Variants in KCNJ3 observed in about 807,000 individuals in gnomAD.
The protein encoded by KCNJ3 is G protein-activated inward rectifier potassium channel 1.
Under a neutral mutation model 39.2 loss-of-function variants are expected in KCNJ3, and 4 were observed. That is an observed-to-expected ratio of 0.10 (90% CI 0.05 to 0.23). The LOEUF is 0.23. Among genes scored for constraint, KCNJ3 ranks in the 10% least tolerant of loss-of-function variants. The pLI is 1.00. For missense variants in KCNJ3, 276 were observed against 634.9 expected (o/e 0.43, Z 6.08); for synonymous variants, 230 against 237.4 (o/e 0.97, Z 0.29).
chr2:154,808,368 A>G (rs1686952044), intron 2 of KCNJ3, among the ~76,000 whole-genome samples: 1 of 151,750 alleles, frequency 6.6e-6, no homozygotes, highest in Admixed American at 6.6e-5. Flanking sequence ...GGGGTGAGCC[A>G]CCACACTCGG....
At chr2:154,704,565 G>C (rs1204145456) in intron 1 of KCNJ3, among the ~76,000 whole-genome samples, 1 of 152,126 alleles carries the variant, frequency 6.6e-6, no homozygotes, top group East Asian at 1.9e-4. Flanking sequence ...TTTTGGACTT[G>C]ACATTGGGTC....
intron 2 of KCNJ3, among the ~76,000 whole-genome samples, chr2:154,841,478 T>G (rs1317879119): frequency 2.0e-5 from 3 of 152,220 alleles, no homozygotes; most frequent in African/African-American, 7.2e-5. Flanking sequence ...CCTCTTTTTC[T>G]GTTGATTGGA....
At chr2:154,811,824 T>A (rs1172493684) in intron 2 of KCNJ3, among the ~76,000 whole-genome samples, 1 of 152,148 alleles carries the variant, frequency 6.6e-6, no homozygotes, top group East Asian at 1.9e-4. Flanking sequence ...AGATGGGTGG[T>A]ATTTTACTTA....
At chr2:154,724,917 G>GTATATATGTATATATATATATATATA (rs1685325513) in intron 2 of KCNJ3, among the ~76,000 whole-genome samples, 11 of 116,314 alleles carry the variant, frequency 9.5e-5, no homozygotes, top group African/African-American at 3.9e-4. Context: ...TACATATGAG[G>GTATATATGTATATATATATATATATA]TATATATATA....
chr2:154,777,520 C>T (rs554000989), intron 2 of KCNJ3, among the ~76,000 whole-genome samples: 94 of 152,244 alleles, frequency 6.2e-4, no homozygotes, highest in South Asian at 3.5e-3. Context: ...GTTTCCGCTT[C>T]GCTTTTTCTC....
chr2:154,760,735 C>CTT (rs887796000), intron 2 of KCNJ3, among the ~76,000 whole-genome samples: 2,574 of 127,704 alleles, frequency 0.02, 163 homozygotes, highest in African/African-American at 0.071. Flanking sequence ...TCTTTTTTTT[C>CTT]TTTTTTTTTT....
At chr2:154,748,223 T>A (rs886409578) in intron 2 of KCNJ3, among the ~76,000 whole-genome samples, 1 of 152,042 alleles carries the variant, frequency 6.6e-6, no homozygotes, top group Non-Finnish European at 1.5e-5. Flanking sequence ...ATAAACTGAC[T>A]AAATAACACT....
intron 2 of KCNJ3, among the ~76,000 whole-genome samples, chr2:154,737,240 G>A (rs1685564232): frequency 6.6e-6 from 1 of 152,158 alleles, no homozygotes; most frequent in African/African-American, 2.4e-5. Context: ...CAGGTTTTGT[G>A]TCAGTATTGG....
At chr2:154,731,871 C>A (rs1685454832) in intron 2 of KCNJ3, among the ~76,000 whole-genome samples, 1 of 151,630 alleles carries the variant, frequency 6.6e-6, no homozygotes, top group Non-Finnish European at 1.5e-5. Flanking sequence ...TTCAGTGGGT[C>A]TTTGTAGGGT....
chr2:154,757,891 C>T (rs532391036), intron 2 of KCNJ3, among the ~76,000 whole-genome samples: 1 of 152,250 alleles, frequency 6.6e-6, no homozygotes, highest in African/African-American at 2.4e-5. Context: ...GCCCTCATGG[C>T]TTAATCACTT....
chr2:154,747,333 T>C (rs1404096506), intron 2 of KCNJ3, among the ~76,000 whole-genome samples: 2 of 152,086 alleles, frequency 1.3e-5, no homozygotes, highest in Non-Finnish European at 2.9e-5. Flanking sequence ...AGAGATAAGA[T>C]TAAAGGGTTT....
At chr2:154,832,043 C>T (rs563384750) in intron 2 of KCNJ3, among the ~76,000 whole-genome samples, 2 of 152,102 alleles carry the variant, frequency 1.3e-5, no homozygotes, top group Admixed American at 6.6e-5. Context: ...AGGTGCCAGG[C>T]TCTTTGTACC....
intron 2 of KCNJ3, among the ~76,000 whole-genome samples, chr2:154,825,325 A>T (rs1215922855): frequency 6.6e-6 from 1 of 152,148 alleles, no homozygotes; most frequent in African/African-American, 2.4e-5. Flanking sequence ...TGTATTTAAA[A>T]ATCTATTCAT....
intron 2 of KCNJ3, among the ~76,000 whole-genome samples, chr2:154,721,063 A>T (rs113280689): frequency 2.0e-5 from 3 of 151,940 alleles, no homozygotes; most frequent in Non-Finnish European, 4.4e-5. Flanking sequence ...CTTTTAAAAA[A>T]ATCCTTCATT....
chr2:154,746,607 CAGAT>C lies in KCNJ3; in HGVS notation c.919+36790_919+36793del, dbSNP rs1558862963. Among the ~76,000 whole-genome samples, 11 of 101,210 alleles carry C rather than the reference CAGAT, an allele frequency of 1.1e-4. No homozygotes were observed. The South Asian group carries it at 2.9e-3, about 27-fold the overall frequency. 66.4% of individuals were successfully genotyped at this position (101,210 alleles called of 152,430 possible). A position where few individuals can be genotyped will look rare whatever the true frequency, so the allele number is the denominator to read the frequency against. On this transcript the variant is annotated intron_variant, in intron 2 of 2. Coordinates refer to ENST00000295101, the MANE Select transcript of KCNJ3 (RefSeq NM_002239.4). ...AACTGTATGTGTGTGTGCGTATACA[CAGAT>C]ATATATATATATATATATATGTATA...
chr2:154,745,625 G>A (rs1305752650), intron 2 of KCNJ3, among the ~76,000 whole-genome samples: 11 of 151,918 alleles, frequency 7.2e-5, no homozygotes, highest in Admixed American at 7.2e-4. Flanking sequence ...AGCATTTTTA[G>A]AATGTCTGCT....
intron 2 of KCNJ3, among the ~76,000 whole-genome samples, chr2:154,775,964 C>T (rs1686325480): frequency 6.6e-6 from 1 of 151,068 alleles, no homozygotes; most frequent in African/African-American, 2.4e-5. Flanking sequence ...ATTTTTCAGA[C>T]AGATAACCTT....
rs1270764379 is a variant in KCNJ3, at chr2:154,834,718, C to T, written c.920-20009C>T. Among the ~76,000 whole-genome samples, 4 of 151,256 alleles carry T rather than the reference C, an allele frequency of 2.6e-5. No homozygotes were observed. The East Asian group carries it at 7.8e-4, about 30-fold the overall frequency. The stretch of plus-strand genomic sequence containing the variant: ...CTCCCGCCTGGGTGACAGAGCGAGA[C>T]TCCATCTCAAAAAATAAAATAAAAT... On this transcript the variant is annotated intron_variant, in intron 2 of 2. Coordinates refer to ENST00000295101, the MANE Select transcript of KCNJ3 (RefSeq NM_002239.4).
intron 2 of KCNJ3, among the ~76,000 whole-genome samples, chr2:154,753,396 CTTTA>C (rs2105183410): frequency 6.6e-6 from 1 of 152,022 alleles, no homozygotes; most frequent in Non-Finnish European, 1.5e-5. Flanking sequence ...TTTGTTATTT[CTTTA>C]TTTATTGTTG....
Sources: allele counts gnomAD v4.1 joint callset (sites outside exome capture counted in the v4.1 genomes callset), GRCh38; gene constraint gnomAD v4.1.1; transcripts MANE v1.5; gene names NCBI Gene and HGNC (gene_info 2026-07-23, HGNC 2026-07-21).